The following INKA2 variants were observed in gnomAD, a reference collection of about 807,000 sequenced individuals.
The protein encoded by INKA2 is inka box actin regulator 2.
A neutral mutation model predicts 9.8 loss-of-function variants in INKA2; 3 were observed. The ratio of observed to expected loss-of-function variants is 0.31; its 90% CI spans 0.14 to 0.79. The LOEUF (loss-of-function observed/expected upper bound fraction) is 0.79. Ranked by LOEUF, INKA2 falls within the 30% of genes least tolerant of loss-of-function variation. INKA2 has a pLI of 0.62. For synonymous variants in INKA2, 147 were observed against 143.3 expected (o/e 1.03, Z -0.18); for missense variants, 392 against 384.4 (o/e 1.02, Z -0.17).
At chr1:111,753,583 CT>C in intron 1 of INKA2, among the ~76,000 whole-genome samples, 1 of 152,286 alleles carries the variant, frequency 6.6e-6, no homozygotes, top group South Asian at 2.1e-4. Context: ...GAAATGTAGT[CT>C]TTTTGCTTTT....
chr1:111,729,973 C>T (rs192947489), intron 1 of INKA2, among the ~76,000 whole-genome samples: 1 of 152,366 alleles, frequency 6.6e-6, no homozygotes, highest in Admixed American at 6.5e-5. Flanking sequence ...GCACTTTCCC[C>T]AAGACAGGCA....
exon 1 of INKA2, chr1:111,755,704 T>A: frequency 6.2e-7 from 1 of 1,613,782 alleles, no homozygotes; most frequent in Non-Finnish European, 8.5e-7. Flanking sequence ...GACTCACCAG[T>A]TGCCTCATCT....
At chr1:111,737,023 C>T (rs983712289) in intron 1 of INKA2, among the ~76,000 whole-genome samples, 1 of 152,062 alleles carries the variant, frequency 6.6e-6, no homozygotes, top group Non-Finnish European at 1.5e-5. Context: ...TGTCTCGTCT[C>T]TGAGCAGGCT....
upstream of INKA2, among the ~76,000 whole-genome samples, chr1:111,742,359 G>A (rs1462749796): frequency 6.6e-6 from 1 of 152,080 alleles, no homozygotes; most frequent in Non-Finnish European, 1.5e-5. Flanking sequence ...GGCCGAGGTG[G>A]GCAGATCACG....
At position 111,726,809 on chromosome 1, in the gene INKA2, C is replaced by T; in HGVS notation, c.*159G>A. 1.3e-6 allele frequency: 1 copy of T among 767,736 alleles called. No individual in the cohort carries two copies. Among genetic ancestry groups the T allele is most frequent in the Non-Finnish European group, 2.2e-6 (1 of 464,522 alleles). 47.6% of individuals were successfully genotyped at this position (767,736 alleles called of 1,614,324 possible). A position where few individuals can be genotyped will look rare whatever the true frequency, so the allele number is the denominator to read the frequency against. ...CAGCCTCTCCCAACCACCTTCCCTT[C>T]AGTCCTGAGCCAAGAACTCTGGCTT... On this transcript the variant is annotated 3_prime_UTR_variant, in exon 2 of 2. Coordinates refer to ENST00000357260, the MANE Select transcript of INKA2 (RefSeq NM_019099.5).
chr1:111,740,018 C>CTG (rs1663108221), upstream of INKA2: 1 of 152,258 alleles, frequency 6.6e-6, no homozygotes, highest in Non-Finnish European at 1.5e-5. Flanking sequence ...CTGAGTATGA[C>CTG]AGGCGAGGTC....
At chr1:111,729,741 C>T (rs142654185) in intron 1 of INKA2, among the ~76,000 whole-genome samples, 12 of 152,320 alleles carry the variant, frequency 7.9e-5, no homozygotes, top group Non-Finnish European at 1.5e-4. Flanking sequence ...TGGAGGGATC[C>T]GAAGGGCAGG....
At chr1:111,732,223 G>A (rs183849611) in intron 1 of INKA2, among the ~76,000 whole-genome samples, 1 of 152,320 alleles carries the variant, frequency 6.6e-6, no homozygotes, top group East Asian at 1.9e-4. Context: ...CTTGGGATAT[G>A]CCTTCTTCTT....
At chr1:111,738,101 A>G (rs1371591297) in intron 1 of INKA2, among the ~76,000 whole-genome samples, 1 of 152,222 alleles carries the variant, frequency 6.6e-6, no homozygotes, top group African/African-American at 2.4e-5. Flanking sequence ...GTAAGAAGAA[A>G]GAGGAGAGCA....
intron 1 of INKA2, among the ~76,000 whole-genome samples, chr1:111,731,968 C>G (rs1662915252): frequency 6.6e-6 from 1 of 152,242 alleles, no homozygotes; most frequent in Admixed American, 6.5e-5. Flanking sequence ...TTGGCACCCT[C>G]CTGCCCACTC....
chr1:111,740,566 C>T (rs892533138), upstream of INKA2, among the ~76,000 whole-genome samples: 1 of 152,182 alleles, frequency 6.6e-6, no homozygotes, highest in Admixed American at 6.5e-5. Flanking sequence ...AAAAGTTTGC[C>T]CCAGGCAGGA....
intron 1 of INKA2, among the ~76,000 whole-genome samples, chr1:111,728,973 A>G (rs1430290645): frequency 1.4e-5 from 2 of 139,350 alleles, no homozygotes; most frequent in African/African-American, 5.3e-5. Flanking sequence ...CTATTCTCAG[A>G]CACAATCATA....
Position 111,723,284 on chromosome 1 carries a change from A to G in INKA2, c.*3684T>C. On this transcript the variant is annotated 3_prime_UTR_variant, in exon 2 of 2. Coordinates refer to ENST00000357260, the MANE Select transcript of INKA2 (RefSeq NM_019099.5). ...GGAGATGGGGATGTGGAGAGGACAG[A>G]GCAACCTTCTTTGGGGCAAGTTTGG... 3.7e-6 allele frequency: 2 copies of G among 535,706 alleles called. No homozygotes were observed. Among genetic ancestry groups the G allele is most frequent in the Non-Finnish European group, 6.6e-6 (2 of 303,618 alleles). The allele number at this position is 535,706 out of a possible 1,614,324, so 33.2% of individuals were successfully genotyped here. A position where few individuals can be genotyped will look rare whatever the true frequency, so the allele number is the denominator to read the frequency against.
upstream of INKA2, among the ~76,000 whole-genome samples, chr1:111,743,237 C>T (rs115938310): frequency 0.011 from 1,637 of 152,168 alleles, 27 homozygotes; most frequent in African/African-American, 0.038. Context: ...TTATCTCATT[C>T]GAAAATAAAT....
chr1:111,743,189 C>T (rs72692513), upstream of INKA2, among the ~76,000 whole-genome samples: 226 of 152,292 alleles, frequency 1.5e-3, no homozygotes, highest in Non-Finnish European at 2.7e-3. Context: ...CCCTTCCACC[C>T]ACCCCCCTCC....
intron 1 of INKA2, among the ~76,000 whole-genome samples, chr1:111,748,438 C>T (rs1019427796): frequency 7.9e-5 from 12 of 152,174 alleles, no homozygotes; most frequent in Non-Finnish European, 1.8e-4. Context: ...TTTGAAATGT[C>T]GAGAGCACGG....
At chr1:111,737,778 G>A (rs1461292964) in intron 1 of INKA2, among the ~76,000 whole-genome samples, 1 of 152,206 alleles carries the variant, frequency 6.6e-6, no homozygotes, top group Non-Finnish European at 1.5e-5. Context: ...CACAGAAAGG[G>A]CTCCAGGAGG....
At chr1:111,747,419 C>A (rs542062983) in intron 1 of INKA2, 2 of 151,448 alleles carry the variant, frequency 1.3e-5, no homozygotes, top group Non-Finnish European at 2.9e-5. Flanking sequence ...CAGCTACACA[C>A]GCCCCCTGGT....
In INKA2 at chr1:111,723,109, C is replaced by T. The variant is rs1169891201; in HGVS notation, c.*3859G>A. The T allele has an allele frequency of 1.4e-6, 1 of 700,712 alleles. No individual in the cohort carries two copies. The highest frequency in any genetic ancestry group is 1.5e-5 in the South Asian group (1 of 67,414). 43.4% of individuals were successfully genotyped at this position (700,712 alleles called of 1,614,324 possible). Reference sequence around the variant, plus strand: ...GGTGCTGGCAGAAGTGCCTTAACTGCACCGGATGGGGAAGGCACCTGAGGT... The same window carrying T: ...GGTGCTGGCAGAAGTGCCTTAACTGTACCGGATGGGGAAGGCACCTGAGGT... On this transcript the variant is annotated 3_prime_UTR_variant, in exon 2 of 2. Transcript: ENST00000357260.
Sources: allele counts gnomAD v4.1 joint callset (sites outside exome capture counted in the v4.1 genomes callset), GRCh38; gene constraint gnomAD v4.1.1; transcripts MANE v1.5; gene names NCBI Gene and HGNC (gene_info 2026-07-23, HGNC 2026-07-21).